ATP8B1: variants seen among roughly 807,000 people sequenced by gnomAD.
The protein encoded by ATP8B1 is phospholipid-transporting ATPase IC.
In ATP8B1, 80 loss-of-function variants were observed where a neutral mutation model predicts 149.9. The observed-to-expected ratio is 0.53, with a 90% CI of 0.45 to 0.64. The LOEUF is 0.64. Ranked by LOEUF, ATP8B1 falls within the 30% of genes least tolerant of loss-of-function variation. ATP8B1 has a pLI of 0.00. For missense variants in ATP8B1, 1,247 were observed against 1,552.6 expected, an observed-to-expected ratio of 0.80 and a Z score of 3.31; for synonymous variants, 536 against 562.8, an observed-to-expected ratio of 0.95 and a Z score of 0.67.
At chr18:57,661,628 T>C (rs748867445) in intron 21 of ATP8B1, among the ~76,000 whole-genome samples, 166 bp from the exon 22 acceptor site, 16 of 144,790 alleles carry the variant, frequency 1.1e-4, no homozygotes, top group Non-Finnish European at 2.1e-4. Context: ...TATGTGTGCG[T>C]GTGTATGTAT....
In ATP8B1 at chr18:57,745,656, ATT is replaced by A. The variant is rs11304424; in HGVS notation, c.-25-13826_-25-13825del. Among the ~76,000 whole-genome samples the A allele has an allele frequency of 9.5e-3, 1,366 of 143,902 alleles. 12 individuals carry two copies. The highest frequency in any genetic ancestry group is 0.026 in the African/African-American group (1,027 of 39,076). The allele number at this position is 143,902 out of a possible 152,430, so 94.4% of individuals were successfully genotyped here. The stretch of plus-strand genomic sequence containing the variant: ...TCCAACAAGATCTCATGGTTTTACA[ATT>A]TTTTTTTTTTTTTTCTGACGCAGGG... On this transcript the variant is annotated intron_variant, in intron 1 of 27. Coordinates refer to ENST00000648908, the MANE Select transcript of ATP8B1 (RefSeq NM_001374385.1).
intron 20 of ATP8B1, among the ~76,000 whole-genome samples, chr18:57,663,070 T>C (rs959842069): frequency 6.6e-6 from 1 of 152,178 alleles, no homozygotes; most frequent in Non-Finnish European, 1.5e-5. Context: ...ACTCTATACC[T>C]ATTAAACAAT....
chr18:57,652,824 C>T (rs1488888114), intron 24 of ATP8B1, 95 bp from the exon 25 acceptor site: 6 of 1,553,178 alleles, frequency 3.9e-6, no homozygotes, highest in East Asian at 2.2e-5. Flanking sequence ...TTGCAGCCTG[C>T]TGTTAAATTT....
At chr18:57,797,911 G>T (rs2663848) in intron 1 of ATP8B1, among the ~76,000 whole-genome samples, 21,481 of 151,730 alleles carry the variant, frequency 0.14, 2,110 homozygotes, top group East Asian at 0.44. Flanking sequence ...TTCACTATGT[G>T]GGCAGGCTGG....
intron 16 of ATP8B1, among the ~76,000 whole-genome samples, chr18:57,673,874 G>C (rs940068229): frequency 2.0e-5 from 3 of 152,094 alleles, no homozygotes; most frequent in Admixed American, 6.6e-5. Flanking sequence ...TTATGTGCCT[G>C]CATTGCAGAT....
In ATP8B1 at chr18:57,802,240, C is replaced by T. The variant is rs763903868; in HGVS notation, c.-26+758G>A. ...TGCAACATCTCCCCGCGCCCCCCAA[C>T]AAGTTGCCCCTCCTCGTGCACACAG... On this transcript the variant is annotated intron_variant, in intron 1 of 27. Transcript: ENST00000648908. This position sits in a 1 kb window ranked among gnomAD's most constrained non-coding sequence, Gnocchi z 4.9. Among the ~76,000 whole-genome samples, 7 of 152,188 alleles carry T rather than the reference C, an allele frequency of 4.6e-5. No homozygotes were observed. Among genetic ancestry groups the T allele is most frequent in the Non-Finnish European group, 1.0e-4 (7 of 68,032 alleles).
chr18:57,744,432 A>C (rs991220387), intron 1 of ATP8B1, among the ~76,000 whole-genome samples: 3 of 152,126 alleles, frequency 2.0e-5, no homozygotes, highest in Non-Finnish European at 1.5e-5. Context: ...AAGGAAAAAA[A>C]AAGTAAATAA....
rs147862217 is a variant in ATP8B1 at position 57,745,850 on chromosome 18, G to A, written c.-25-14018C>T. Among the ~76,000 whole-genome samples the A allele has an allele frequency of 8.0e-4, 121 of 151,820 alleles. 1 individual carries two copies. Among genetic ancestry groups the A allele is most frequent in the African/African-American group, 2.5e-3 (105 of 41,406 alleles). On this transcript the variant is annotated intron_variant, in intron 1 of 27. Coordinates refer to ENST00000648908, the MANE Select transcript of ATP8B1 (RefSeq NM_001374385.1). ...ATTTTGAGAAAATTTTTGTAAAGAC[G>A]AGGTTTCACTACATTGCCCAGGCTG... is the stretch of plus-strand genomic sequence containing the variant.
At chr18:57,797,446 G>C (rs1168128607) in intron 1 of ATP8B1, among the ~76,000 whole-genome samples, 1 of 152,220 alleles carries the variant, frequency 6.6e-6, no homozygotes, top group Non-Finnish European at 1.5e-5. Flanking sequence ...CCCAGGAACA[G>C]AGGTGACCCT....
chr18:57,654,018 C>A lies in ATP8B1; in HGVS notation c.2989G>T (p.Val997Leu), dbSNP rs1350129130. The change falls in exon 24 of 28, where the codon GTG becomes TTG. Residue 997 changes from valine (V) to leucine (L), a missense_variant. This residue lies in a region of ATP8B1 where 230 missense variants were observed against 356.6 expected (regional missense o/e 0.65). Coordinates refer to ENST00000648908, the MANE Select transcript of ATP8B1 (RefSeq NM_001374385.1). Reference sequence around the variant, plus strand: ...TGGTCGAGCAGCCCCATGAGGAGCACGGGCAGGCTGGTGTACAGCACGTTG... The same window carrying A: ...TGGTCGAGCAGCCCCATGAGGAGCAAGGGCAGGCTGGTGTACAGCACGTTG... The part of the protein sequence containing the change: ...LYNVLYTSLP[V>L]LLMGLLDQDV... The A allele has an allele frequency of 6.2e-7, 1 of 1,613,854 alleles. No homozygotes were observed. Among genetic ancestry groups the A allele is most frequent in the African/African-American group, 1.3e-5 (1 of 74,868 alleles).
intron 1 of ATP8B1, among the ~76,000 whole-genome samples, chr18:57,797,584 C>G (rs925196074): frequency 1.8e-4 from 28 of 151,990 alleles, no homozygotes; most frequent in African/African-American, 6.3e-4. Flanking sequence ...GAACACAGAT[C>G]TTCAGAGTGG....
intron 11 of ATP8B1, among the ~76,000 whole-genome samples, chr18:57,692,217 A>C (rs772113880): frequency 1.3e-5 from 2 of 152,168 alleles, no homozygotes; most frequent in Non-Finnish European, 2.9e-5. Flanking sequence ...ATAGAAGGTA[A>C]GGTTTTGTTC....
At chr18:57,654,966 C>T (rs1476391688) in intron 23 of ATP8B1, among the ~76,000 whole-genome samples, 3 of 151,684 alleles carry the variant, frequency 2.0e-5, no homozygotes, top group Non-Finnish European at 1.5e-5. Flanking sequence ...GGATTACAGG[C>T]GTGAGCCACC....
chr18:57,794,676 T>C (rs1328454896), intron 1 of ATP8B1, among the ~76,000 whole-genome samples: 1 of 151,756 alleles, frequency 6.6e-6, no homozygotes, highest in South Asian at 2.1e-4. Flanking sequence ...TCCCAGCTAC[T>C]TGGGAGGCTG....
intron 2 of ATP8B1, among the ~76,000 whole-genome samples, chr18:57,721,412 C>T (rs2079645288): frequency 6.9e-6 from 1 of 144,506 alleles, no homozygotes. Flanking sequence ...ATCTACCAAG[C>T]AAATGGAAAA....
At chr18:57,661,950 C>T (rs1910477233) in intron 21 of ATP8B1, among the ~76,000 whole-genome samples, 1 of 152,014 alleles carries the variant, frequency 6.6e-6, no homozygotes, top group Non-Finnish European at 1.5e-5. Flanking sequence ...CATCTCCTGA[C>T]CTTGTGATCT....
rs185115595 is a variant in ATP8B1 at position 57,774,722 on chromosome 18, G to A, written c.-26+28276C>T. ...GCACCCAGAATACAGTACAATGTAC[G>A]GTAACTATCTTACAGATGTTTGTTG... On this transcript the variant is annotated intron_variant, in intron 1 of 27. Transcript: ENST00000648908. Among the ~76,000 whole-genome samples, 8 of 152,250 alleles carry A rather than the reference G, an allele frequency of 5.3e-5. No homozygotes were observed. In the East Asian group the frequency reaches 9.6e-4, roughly 18 times the overall value.
chr18:57,670,254 A>G (rs1375145763), intron 17 of ATP8B1, among the ~76,000 whole-genome samples: 4 of 152,008 alleles, frequency 2.6e-5, no homozygotes, highest in African/African-American at 9.7e-5. Context: ...TACACAAGCC[A>G]TTGTTAAAGC....
chr18:57,721,223 C>T (rs2079642965), intron 2 of ATP8B1, among the ~76,000 whole-genome samples: 1 of 142,288 alleles, frequency 7.0e-6, no homozygotes, highest in African/African-American at 2.6e-5. Flanking sequence ...ATCATAATGA[C>T]AGGATCAAAT....
Sources: gnomAD v4.1 joint callset for allele counts (sites outside exome capture counted in the v4.1 genomes callset) on GRCh38, gnomAD v4.1.1 for gene constraint, gnomAD v4.1.1 regional missense constraint, Gnocchi (gnomAD v3.1) non-coding constraint, MANE v1.5 for transcripts, NCBI Gene and HGNC (gene_info 2026-07-23, HGNC 2026-07-21) for gene names.